The following SYTL2 variants were observed in gnomAD, a reference collection of about 807,000 sequenced individuals.
SYTL2 encodes the protein synaptotagmin-like protein 2.
Under a neutral mutation model 198.7 loss-of-function variants are expected in SYTL2, and 165 were observed. The observed-to-expected ratio is 0.83, with a 90% CI of 0.73 to 0.94. The LOEUF (loss-of-function observed/expected upper bound fraction) is 0.94, where lower values mean the gene tolerates loss of function less well. Among genes scored for constraint, SYTL2 ranks in the 40% least tolerant of loss-of-function variants. The probability of loss-of-function intolerance (pLI) is 0.00; values close to 1 mark genes in which losing one functional copy is unlikely to be tolerated. For missense variants in SYTL2, 2,835 were observed against 2,582.8 expected, an observed-to-expected ratio of 1.10 and a Z score of -2.12; for synonymous variants, 966 against 917.7, an observed-to-expected ratio of 1.05 and a Z score of -0.95.
intron 16 of SYTL2, among the ~76,000 whole-genome samples, chr11:85,701,051 A>T (rs1267249520): frequency 3.3e-5 from 5 of 152,236 alleles, no homozygotes; most frequent in African/African-American, 1.2e-4. Context: ...CACTAATCTG[A>T]TTATTTTAGG....
chr11:85,777,600 G>C (rs2092473135), intron 1 of SYTL2, among the ~76,000 whole-genome samples: 1 of 151,520 alleles, frequency 6.6e-6, no homozygotes, highest in Non-Finnish European at 1.5e-5. Context: ...ACAGGCCCAG[G>C]CTCTGTACAC....
At chr11:85,729,947 A>G (rs958353091) in intron 7 of SYTL2, among the ~76,000 whole-genome samples, 8 of 152,242 alleles carry the variant, frequency 5.3e-5, no homozygotes, top group African/African-American at 1.4e-4. Context: ...AACCACCATC[A>G]GAGAATACTA....
Position 85,766,379 on chromosome 11 carries a change from C to T in SYTL2, c.-389-8265G>A, listed in dbSNP as rs182436993. ...TGAAAGTTCATTTTAAACTTCATAC[C>T]TGAGCTGAAAATTCAAATCATATGT... On this transcript the variant is annotated intron_variant, in intron 1 of 19. Transcript: ENST00000359152. Among the ~76,000 whole-genome samples the T allele has an allele frequency of 2.4e-4, 36 of 152,258 alleles. No individual in the cohort carries two copies. The East Asian group carries it at 4.6e-3, about 20-fold the overall frequency.
chr11:85,840,675 T>C, the SYTL2 span, among the ~76,000 whole-genome samples: 1 of 152,192 alleles, frequency 6.6e-6, no homozygotes, highest in South Asian at 2.1e-4. Flanking sequence ...GCTAGCCATA[T>C]GCAGATTGAA....
At chr11:85,742,738 T>C (rs958634548) in intron 4 of SYTL2, among the ~76,000 whole-genome samples, 2 of 152,238 alleles carry the variant, frequency 1.3e-5, no homozygotes, top group African/African-American at 4.8e-5. Context: ...ATAAAAACTT[T>C]AAAATGAAAC....
chr11:85,804,095 T>C (rs1189599214), intron 1 of SYTL2, among the ~76,000 whole-genome samples: 1 of 152,226 alleles, frequency 6.6e-6, no homozygotes, highest in Non-Finnish European at 1.5e-5. Context: ...TAGTGTTGAT[T>C]CTTAAATAGT....
At chr11:85,822,831 C>T in the SYTL2 span, among the ~76,000 whole-genome samples, 2 of 152,200 alleles carry the variant, frequency 1.3e-5, no homozygotes, top group African/African-American at 2.4e-5. Context: ...CCGTAACTAA[C>T]GCCAACATTA....
At chr11:85,826,635 AT>A in the SYTL2 span, among the ~76,000 whole-genome samples, 2 of 152,200 alleles carry the variant, frequency 1.3e-5, no homozygotes, top group Non-Finnish European at 2.9e-5. Flanking sequence ...AAAGCAAACA[AT>A]TCTGCTGATA....
rs769122808 is a variant in SYTL2 at position 85,757,689 on chromosome 11, C to T, written c.37G>A (p.Glu13Lys). The change falls in exon 2 of 20, where the codon GAG becomes AAG. Residue 13 changes from glutamate to lysine, a missense_variant. Physicochemically the swap from Glu to Lys is moderately conservative, Grantham distance 56 (BLOSUM62 1). Around this residue, in one of 3 missense-constraint regions of SYTL2, gnomAD observed 2,645 missense variants for 2,381.7 expected, o/e 1.11. Transcript: ENST00000359152. ...DLSFLTEEEQ[E>K]AIMKVLQRDA... ...CGCTGCAAAACCTTCATGATGGCCT[C>T]TTGTTCCTCTTCAGTCAGGAAGCTT... is the stretch of plus-strand genomic sequence containing the variant. The T allele has an allele frequency of 6.2e-7, 1 of 1,613,680 alleles. No homozygotes were observed. Among genetic ancestry groups the T allele is most frequent in the South Asian group, 1.1e-5 (1 of 91,076 alleles).
At chr11:85,795,331 A>T (rs1188441555) in intron 1 of SYTL2, among the ~76,000 whole-genome samples, 2 of 152,050 alleles carry the variant, frequency 1.3e-5, no homozygotes, top group East Asian at 3.8e-4. Context: ...TCTAAAAAAA[A>T]ACTGAACCCT....
chr11:85,842,132 A>G, the SYTL2 span, among the ~76,000 whole-genome samples: 1 of 152,326 alleles, frequency 6.6e-6, no homozygotes, highest in Admixed American at 6.5e-5. Context: ...CTGACACTGA[A>G]TGAGTTCATT....
chr11:85,849,258 G>A, the SYTL2 span, among the ~76,000 whole-genome samples: 2 of 152,136 alleles, frequency 1.3e-5, no homozygotes, highest in Non-Finnish European at 2.9e-5. Flanking sequence ...CACTCTGATG[G>A]TAGTTTCTTT....
upstream of SYTL2, among the ~76,000 whole-genome samples, chr11:85,811,636 A>G (rs995632271): frequency 3.3e-5 from 5 of 152,060 alleles, 1 homozygote; most frequent in South Asian, 8.3e-4. Context: ...AGAAGGGGGG[A>G]AAAAAGTTGT....
chr11:85,852,866 G>A, the SYTL2 span: 67 of 240,984 alleles, frequency 2.8e-4, no homozygotes, highest in South Asian at 2.9e-4. Flanking sequence ...CCCTCTGCCC[G>A]CCTGCCCAGT....
Position 85,711,126 on chromosome 11 carries a change from G to A in SYTL2, c.5732C>T (p.Thr1911Met), listed in dbSNP as rs780349192. Residue 1911 changes from threonine (T) to methionine (M), a missense_variant, in exon 13 of 20, where the codon ACG becomes ATG. Thr to Met is a moderately conservative substitution (Grantham distance 81, BLOSUM62 -1). Transcript: ENST00000359152. Reference sequence around the variant, plus strand: ...TTGTTTACATACAGAAGACAAGGACGTCATGCCAGAGGAGCTGCTAAGATT... The same window carrying A: ...TTGTTTACATACAGAAGACAAGGACATCATGCCAGAGGAGCTGCTAAGATT... ...LTNLSSSSGM[T>M]SLSSVSGSVM... 1.1e-5 allele frequency: 17 copies of A among 1,614,052 alleles called. No individual in the cohort carries two copies. Among genetic ancestry groups the A allele is most frequent in the Middle Eastern group, 1.7e-4 (1 of 6,054 alleles).
chr11:85,727,847 G>T lies in SYTL2; in HGVS notation c.1511C>A (p.Ser504Tyr). Residue 504 changes from serine to tyrosine, a missense_variant, in exon 8 of 20, where the codon TCT (serine) becomes TAT (tyrosine). Ser to Tyr is a moderately radical substitution (Grantham distance 144). Transcript: ENST00000359152. ...CTTTATCTCAGTGGCATATGGACCA[G>T]AACGTGAAGATGTCTTAGCTTTTAG... ...PALKAKTSSR[S>Y]GPYATEIKKS... 2 of 1,612,384 alleles carry T rather than the reference G, an allele frequency of 1.2e-6. No individual in the cohort carries two copies. Among genetic ancestry groups the T allele is most frequent in the Non-Finnish European group, 1.7e-6 (2 of 1,179,400 alleles).
At chr11:85,722,447 TACAGG>T (rs2088481423) in intron 8 of SYTL2, among the ~76,000 whole-genome samples, 1 of 152,132 alleles carries the variant, frequency 6.6e-6, no homozygotes, top group South Asian at 2.1e-4. Context: ...GTGCTGGGAT[TACAGG>T]CGTGAGCCAC....
At chr11:85,782,195 G>A (rs990605440) in intron 1 of SYTL2, among the ~76,000 whole-genome samples, 10 of 152,220 alleles carry the variant, frequency 6.6e-5, no homozygotes, top group Admixed American at 2.0e-4. Context: ...GCACTGGTAG[G>A]CTCAAAACCA....
the SYTL2 span, among the ~76,000 whole-genome samples, chr11:85,822,351 C>A: frequency 6.6e-6 from 1 of 152,230 alleles, no homozygotes; most frequent in Admixed American, 6.5e-5. Context: ...CTTGGCCATG[C>A]TCAAGCATCT....
Sources: allele counts gnomAD v4.1 joint callset (sites outside exome capture counted in the v4.1 genomes callset), GRCh38; gene constraint gnomAD v4.1.1; regional missense constraint gnomAD v4.1.1; transcripts MANE v1.5; gene names NCBI Gene and HGNC (gene_info 2026-07-23, HGNC 2026-07-21).